The following BACH2 variants were observed in gnomAD, a reference collection of about 807,000 sequenced individuals.
BACH2 encodes the protein BACH transcriptional regulator 2.
A neutral mutation model predicts 61.8 loss-of-function variants in BACH2; 5 were observed. That is an observed-to-expected ratio of 0.08 (90% CI 0.04 to 0.17). BACH2 has a LOEUF of 0.17. BACH2 is among the 10% of genes least tolerant of loss of function. The probability of loss-of-function intolerance (pLI) is 1.00; values close to 1 mark genes in which losing one functional copy is unlikely to be tolerated. For missense variants in BACH2, 824 were observed against 1,091.1 expected, an observed-to-expected ratio of 0.76 and a Z score of 3.45; for synonymous variants, 446 against 440.1, an observed-to-expected ratio of 1.01 and a Z score of -0.17.
At chr6:90,176,924 C>A (rs1322584249) in intron 4 of BACH2, among the ~76,000 whole-genome samples, 1 of 152,156 alleles carries the variant, frequency 6.6e-6, no homozygotes, top group Non-Finnish European at 1.5e-5. Context: ...AGATTGTCCT[C>A]CTTTCTGCCG....
chr6:90,232,768 T>C (rs1395366244), intron 3 of BACH2, among the ~76,000 whole-genome samples: 1 of 152,196 alleles, frequency 6.6e-6, no homozygotes, highest in Admixed American at 6.5e-5. Flanking sequence ...CACTTCTCTT[T>C]CCGTCTTCAT....
At chr6:90,007,944 T>C (rs1777502684) in intron 6 of BACH2, 1 of 153,980 alleles carries the variant, frequency 6.5e-6, no homozygotes. Context: ...GACCATTTAA[T>C]GGTTTGCCAT....
At position 89,928,108 on chromosome 6, in the gene BACH2, A is replaced by T. The variant is rs193013185; in HGVS notation, c.*4300T>A. ...AACACTAACTCATGATACAACGAAC[A>T]GCTTTATTCTTAGAAAACAAAAACA... On this transcript the variant is annotated 3_prime_UTR_variant, in exon 9 of 9. Coordinates refer to ENST00000257749, the MANE Select transcript of BACH2 (RefSeq NM_021813.4). The T allele has an allele frequency of 3.3e-5, 5 of 152,272 alleles. No homozygotes were observed. The East Asian group carries it at 9.4e-4, about 29-fold the overall frequency. The allele number at this position is 152,272 out of a possible 1,614,324, so 9.4% of individuals were successfully genotyped here.
At chr6:90,166,581 T>C (rs1378200436) in intron 4 of BACH2, among the ~76,000 whole-genome samples, 1 of 152,200 alleles carries the variant, frequency 6.6e-6, no homozygotes, top group Non-Finnish European at 1.5e-5. Flanking sequence ...TTATAAATCA[T>C]GCTGCTATAA....
intron 5 of BACH2, among the ~76,000 whole-genome samples, chr6:90,088,023 C>T (rs1256257528): frequency 2.0e-5 from 3 of 151,356 alleles, no homozygotes; most frequent in Non-Finnish European, 4.4e-5. Context: ...CCATGCCCTG[C>T]CCCCAACCCC....
At chr6:90,022,755 TGA>T (rs1778443969) in intron 5 of BACH2, among the ~76,000 whole-genome samples, 1 of 152,224 alleles carries the variant, frequency 6.6e-6, no homozygotes. Flanking sequence ...TAAGAAAGTT[TGA>T]CAATATCAAG....
intron 5 of BACH2, among the ~76,000 whole-genome samples, chr6:90,054,008 G>C (rs1780188787): frequency 6.6e-6 from 1 of 152,318 alleles, no homozygotes; most frequent in East Asian, 1.9e-4. Flanking sequence ...GGCCGAATAG[G>C]AACAGCTCCG....
At chr6:90,054,414 G>A (rs1238152927) in intron 5 of BACH2, among the ~76,000 whole-genome samples, 1 of 152,178 alleles carries the variant, frequency 6.6e-6, no homozygotes, top group African/African-American at 2.4e-5. Context: ...CAGCGAGGCT[G>A]GGGGAGGGGC....
chr6:90,292,138 A>G (rs1246524844), intron 1 of BACH2, among the ~76,000 whole-genome samples: 6 of 152,248 alleles, frequency 3.9e-5, no homozygotes. Flanking sequence ...GGACTGTGTA[A>G]TGGAATGGGG....
intron 4 of BACH2, among the ~76,000 whole-genome samples, chr6:90,105,784 C>G (rs572970357): frequency 6.6e-6 from 1 of 152,066 alleles, no homozygotes; most frequent in African/African-American, 2.4e-5. Flanking sequence ...AAGGATGGGG[C>G]CATTTTCCTG....
At chr6:90,131,670 A>T (rs1343455499) in intron 4 of BACH2, among the ~76,000 whole-genome samples, 1 of 152,214 alleles carries the variant, frequency 6.6e-6, no homozygotes, top group Non-Finnish European at 1.5e-5. Flanking sequence ...GGGCGGGCTG[A>T]ACTAAAGTTT....
chr6:90,178,329 C>T (rs1768046229), intron 4 of BACH2, among the ~76,000 whole-genome samples: 1 of 152,168 alleles, frequency 6.6e-6, no homozygotes, highest in African/African-American at 2.4e-5. Flanking sequence ...CATCATCCCT[C>T]ACTCAGACAT....
At chr6:90,271,978 A>G (rs921672207) in intron 1 of BACH2, 37 bp from the exon 2 acceptor site, 1 of 152,372 alleles carries the variant, frequency 6.6e-6, no homozygotes, top group Admixed American at 6.5e-5. Flanking sequence ...TTAGGTCACT[A>G]TAACAAAACG....
chr6:89,942,028 AG>A (rs1195629570), intron 7 of BACH2, among the ~76,000 whole-genome samples: 1 of 121,696 alleles, frequency 8.2e-6, no homozygotes. Flanking sequence ...CTTTTTAAAG[AG>A]GGTCAGAGGA....
intron 1 of BACH2, among the ~76,000 whole-genome samples, chr6:90,281,600 T>C (rs1771860442): frequency 6.6e-6 from 1 of 152,160 alleles, no homozygotes; most frequent in Non-Finnish European, 1.5e-5. Context: ...ACCATCTATG[T>C]ATGTATCCCT....
intron 3 of BACH2, among the ~76,000 whole-genome samples, chr6:90,239,798 TACACACACACACACACAC>T (rs59169449): frequency 2.5e-4 from 33 of 132,300 alleles, no homozygotes; most frequent in East Asian, 1.3e-3. Context: ...GGGGGGGGAA[TACACACACACACACACAC>T]ACACACACAC....
chr6:90,103,029 ATTTTTTT>A (rs371386234), intron 4 of BACH2, among the ~76,000 whole-genome samples: 3 of 21,166 alleles, frequency 1.4e-4, no homozygotes, highest in East Asian at 1.5e-3. Flanking sequence ...ATATATATAT[ATTTTTTT>A]TTTTTTTTTT....
intron 4 of BACH2, among the ~76,000 whole-genome samples, chr6:90,163,251 G>A (rs1352174990): frequency 6.6e-6 from 1 of 152,152 alleles, no homozygotes; most frequent in African/African-American, 2.4e-5. Flanking sequence ...TGTAGCAATT[G>A]TTTGATAAAC....
chr6:89,996,494 G>A (rs1776855434), intron 6 of BACH2, among the ~76,000 whole-genome samples: 1 of 151,984 alleles, frequency 6.6e-6, no homozygotes, highest in Non-Finnish European at 1.5e-5. Context: ...CCATAGTAAG[G>A]CCCCATGTAG....
Sources: allele counts gnomAD v4.1 joint callset (sites outside exome capture counted in the v4.1 genomes callset), GRCh38; gene constraint gnomAD v4.1.1; transcripts MANE v1.5; gene names NCBI Gene and HGNC (gene_info 2026-07-23, HGNC 2026-07-21).